Variants in SLC20A2 observed in about 807,000 individuals in gnomAD.
SLC20A2 encodes solute carrier family 20 member 2.
A neutral mutation model predicts 61.0 loss-of-function variants in SLC20A2; 30 were observed. That is an observed-to-expected ratio of 0.49 (90% confidence interval 0.37 to 0.67). The LOEUF is 0.67. Among genes scored for constraint, SLC20A2 ranks in the 30% least tolerant of loss-of-function variants. The pLI is 0.00. For synonymous variants in SLC20A2, 351 were observed against 353.3 expected, an observed-to-expected ratio of 0.99 and a Z score of 0.07; for missense variants, 626 against 866.4, an observed-to-expected ratio of 0.72 and a Z score of 3.48.
In SLC20A2 at chr8:42,437,461, A is replaced by G; in HGVS notation, c.1051T>C (p.Ser351Pro). Residue 351 changes from serine (S) to proline (P), a missense_variant, in exon 8 of 11, where the codon TCG becomes CCG. This residue lies in a region of SLC20A2 where 361 missense variants were observed against 422.3 expected (regional missense o/e 0.85). Transcript: ENST00000520262. This position sits in a 1 kb window ranked among gnomAD's most constrained non-coding sequence, Gnocchi z 6.4. ...TGCAGCAGATCTTTGTAGAGCCCCG[A>G]GTCTTTGTGCACGGTGTGGTACACA... ...GHVYHTVHKD[S>P]GLYKDLLHKI... The G allele has an allele frequency of 1.2e-6, 2 of 1,613,920 alleles. No homozygotes were observed. The highest frequency in any genetic ancestry group is 1.7e-6 in the Non-Finnish European group (2 of 1,179,976).
intron 1 of SLC20A2, among the ~76,000 whole-genome samples, chr8:42,532,951 G>C (rs993748436): frequency 1.1e-4 from 17 of 152,198 alleles, no homozygotes; most frequent in East Asian, 1.9e-4. Flanking sequence ...GGAGAAGGGA[G>C]GGAGTAGGCA....
chr8:42,497,182 C>CA (rs1809990646), intron 1 of SLC20A2, among the ~76,000 whole-genome samples: 1 of 152,198 alleles, frequency 6.6e-6, no homozygotes, highest in South Asian at 2.1e-4. Flanking sequence ...TTTGAGAGGT[C>CA]ATTTATCTCC....
intron 1 of SLC20A2, among the ~76,000 whole-genome samples, chr8:42,474,364 T>G (rs1431389351): frequency 6.6e-6 from 1 of 152,200 alleles, no homozygotes; most frequent in Non-Finnish European, 1.5e-5. Flanking sequence ...ATCATCGATG[T>G]GCAATGCTAT....
chr8:42,423,858 T>C (rs908283986), intron 10 of SLC20A2, among the ~76,000 whole-genome samples: 2 of 152,216 alleles, frequency 1.3e-5, no homozygotes, highest in Non-Finnish European at 1.5e-5. Context: ...ATCGAGTGTG[T>C]TTCCAGTTTA....
intron 1 of SLC20A2, among the ~76,000 whole-genome samples, chr8:42,519,825 T>C (rs1178833910): frequency 6.6e-6 from 1 of 152,106 alleles, no homozygotes; most frequent in African/African-American, 2.4e-5. Flanking sequence ...AGAATATTTG[T>C]AGCCTCACTC....
upstream of SLC20A2, among the ~76,000 whole-genome samples, chr8:42,503,567 CAAT>C (rs1293380506): frequency 6.6e-6 from 1 of 152,028 alleles, no homozygotes; most frequent in East Asian, 1.9e-4. Context: ...TATTTTAACT[CAAT>C]ATATCCAAGA....
chr8:42,485,849 GGCAGGAGAATC>G (rs1563513075), intron 1 of SLC20A2, among the ~76,000 whole-genome samples: 1 of 151,770 alleles, frequency 6.6e-6, no homozygotes, highest in East Asian at 1.9e-4. Flanking sequence ...GAGAGGCTGA[GGCAGGAGAATC>G]GCTTGAACCC....
intron 1 of SLC20A2, among the ~76,000 whole-genome samples, chr8:42,493,817 T>C (rs1046355684): frequency 1.2e-4 from 18 of 152,186 alleles, no homozygotes; most frequent in Admixed American, 1.1e-3. Flanking sequence ...ATCCCAAGTC[T>C]CTGCCTTAAA....
intron 7 of SLC20A2, among the ~76,000 whole-genome samples, chr8:42,438,708 T>G (rs1206287475): frequency 9.9e-5 from 15 of 151,542 alleles, no homozygotes; most frequent in Non-Finnish European, 2.1e-4. Context: ...TGGTCTGGAT[T>G]TTTTCTTTTC....
intron 1 of SLC20A2, among the ~76,000 whole-genome samples, chr8:42,522,879 A>T (rs1477483899): frequency 2.5e-3 from 124 of 49,564 alleles, no homozygotes; most frequent in African/African-American, 5.0e-3. Context: ...TAATAATAAT[A>T]AAAAAAAAAA....
chr8:42,472,650 T>G lies in SLC20A2; in HGVS notation c.-260A>C, dbSNP rs1239662541. 1 of 429,518 alleles carries G rather than the reference T, an allele frequency of 2.3e-6. No individual in the cohort carries two copies. The highest frequency in any genetic ancestry group is 4.2e-6 in the Non-Finnish European group (1 of 237,474). 26.6% of individuals were successfully genotyped at this position (429,518 alleles called of 1,614,324 possible). On this transcript the variant is annotated 5_prime_UTR_variant, in exon 2 of 11. Coordinates refer to ENST00000520262, the MANE Select transcript of SLC20A2 (RefSeq NM_001257180.2). The surrounding 1 kb of genome is among the most constrained non-coding windows in gnomAD (Gnocchi z 4.1). Reference sequence around the variant, plus strand: ...CCCGATCTGGGAAAGCTGTGATGTCTCCTCCTGTAGCAGAAAGGAAACAAA... The same window carrying G: ...CCCGATCTGGGAAAGCTGTGATGTCGCCTCCTGTAGCAGAAAGGAAACAAA...
chr8:42,516,074 T>A (rs1192362802), intron 1 of SLC20A2, among the ~76,000 whole-genome samples: 1 of 152,212 alleles, frequency 6.6e-6, no homozygotes, highest in Non-Finnish European at 1.5e-5. Context: ...TTTCCTTTTT[T>A]AATCATTTTT....
chr8:42,526,221 C>T (rs963110617), intron 1 of SLC20A2, among the ~76,000 whole-genome samples: 4 of 152,146 alleles, frequency 2.6e-5, no homozygotes, highest in Admixed American at 2.6e-4. Context: ...ATGAAAATGG[C>T]CTGCTGCCTC....
In SLC20A2 at chr8:42,522,283, C is replaced by T. The variant is rs1021002704; in HGVS notation, c.-265+19538G>A. ...ATCCTTACTTTTCAGATGAGGACACCGAAGGATGGAGAAGACAAGAAATTC... is the reference window on the plus strand; with the variant it reads ...ATCCTTACTTTTCAGATGAGGACACTGAAGGATGGAGAAGACAAGAAATTC... On this transcript the variant is annotated intron_variant, in intron 1 of 10. Transcript: ENST00000342228. Among the ~76,000 whole-genome samples, 7 of 121,558 alleles carry T rather than the reference C, an allele frequency of 5.8e-5. 1 individual carries two copies. Among genetic ancestry groups the T allele is most frequent in the Admixed American group, 4.1e-4 (5 of 12,136 alleles). 79.7% of individuals were successfully genotyped at this position (121,558 alleles called of 152,430 possible). A position where few individuals can be genotyped will look rare whatever the true frequency, so the allele number is the denominator to read the frequency against.
intron 1 of SLC20A2, among the ~76,000 whole-genome samples, chr8:42,485,326 T>G (rs779299959): frequency 6.6e-6 from 1 of 152,126 alleles, no homozygotes; most frequent in Non-Finnish European, 1.5e-5. Flanking sequence ...AAGCTCCCTG[T>G]GCCTGCATTT....
chr8:42,469,282 T>A (rs1431171878), intron 2 of SLC20A2, among the ~76,000 whole-genome samples: 4 of 151,662 alleles, frequency 2.6e-5, no homozygotes, highest in Non-Finnish European at 5.9e-5. Flanking sequence ...AGGTAACTCA[T>A]ACAAATTCCC....
At chr8:42,541,147 C>T (rs531494214) in intron 1 of SLC20A2, 2 of 152,322 alleles carry the variant, frequency 1.3e-5, no homozygotes, top group African/African-American at 4.8e-5. Flanking sequence ...CCTCCCCCGC[C>T]GAGTCCCACC....
At chr8:42,495,954 T>C (rs1470047478) in intron 1 of SLC20A2, among the ~76,000 whole-genome samples, 1 of 152,130 alleles carries the variant, frequency 6.6e-6, no homozygotes, top group Non-Finnish European at 1.5e-5. Flanking sequence ...TTCACCATGT[T>C]GGTCAGGCTG....
intron 4 of SLC20A2, 107 bp downstream of exon 4, chr8:42,462,898 C>T (rs1806829240): frequency 1.7e-6 from 1 of 601,952 alleles, no homozygotes; most frequent in Non-Finnish European, 2.9e-6. Flanking sequence ...TGTGCCTTGA[C>T]AATGTATGAA....
Sources: gnomAD v4.1 joint callset for allele counts (sites outside exome capture counted in the v4.1 genomes callset) on GRCh38, gnomAD v4.1.1 for gene constraint, gnomAD v4.1.1 regional missense constraint, Gnocchi (gnomAD v3.1) non-coding constraint, MANE v1.5 for transcripts, NCBI Gene and HGNC (gene_info 2026-07-23, HGNC 2026-07-21) for gene names.